Variants in CTNNA2 observed in about 807,000 individuals in gnomAD.
CTNNA2 encodes the protein catenin alpha-2.
CTNNA2 carries 42 observed loss-of-function variants against 101.0 expected under a neutral mutation model. The observed-to-expected ratio is 0.42, with a 90% CI of 0.32 to 0.54. The LOEUF is 0.54. CTNNA2 is among the 20% of genes least tolerant of loss of function. The pLI is 0.14. For missense variants in CTNNA2, 871 were observed against 1,223.1 expected, an observed-to-expected ratio of 0.71 and a Z score of 4.29; for synonymous variants, 450 against 456.4, an observed-to-expected ratio of 0.99 and a Z score of 0.18.
At chr2:80,489,302 A>G (rs942694421) in intron 9 of CTNNA2, among the ~76,000 whole-genome samples, 2 of 152,210 alleles carry the variant, frequency 1.3e-5, no homozygotes, top group African/African-American at 4.8e-5. Flanking sequence ...GCAGCATTTG[A>G]TGAAAGTCTT....
At chr2:80,058,625 T>C (rs1034310822) in intron 7 of CTNNA2, among the ~76,000 whole-genome samples, 1 of 152,194 alleles carries the variant, frequency 6.6e-6, no homozygotes, top group Non-Finnish European at 1.5e-5. Flanking sequence ...ACCACCCAGC[T>C]GCTTGGCCAG....
chr2:79,834,046 A>C (rs893897555), intron 3 of CTNNA2, among the ~76,000 whole-genome samples: 8 of 152,160 alleles, frequency 5.3e-5, no homozygotes, highest in African/African-American at 1.9e-4. Context: ...CTTGAAACAC[A>C]CAATTGCACT....
At chr2:79,731,249 T>C (rs1018215091) in intron 2 of CTNNA2, among the ~76,000 whole-genome samples, 1 of 152,092 alleles carries the variant, frequency 6.6e-6, no homozygotes, top group African/African-American at 2.4e-5. Flanking sequence ...GATAAAGTAC[T>C]TGAATCTCCT....
chr2:79,906,706 T>C (rs1685452648), intron 6 of CTNNA2, among the ~76,000 whole-genome samples: 1 of 152,192 alleles, frequency 6.6e-6, no homozygotes, highest in South Asian at 2.1e-4. Flanking sequence ...CCAAAGTCTC[T>C]CTTGTCACAT....
chr2:80,131,560 T>G (rs1702415300), intron 7 of CTNNA2, among the ~76,000 whole-genome samples: 1 of 152,198 alleles, frequency 6.6e-6, no homozygotes, highest in African/African-American at 2.4e-5. Flanking sequence ...GAACCTAGAA[T>G]GAGGATAGAA....
chr2:80,353,579 G>A (rs1016846588), intron 7 of CTNNA2, among the ~76,000 whole-genome samples: 1 of 152,094 alleles, frequency 6.6e-6, no homozygotes, highest in African/African-American at 2.4e-5. Flanking sequence ...ATGCCACTGT[G>A]AGAACAATTC....
At chr2:79,764,864 C>A (rs1457709204) in intron 3 of CTNNA2, among the ~76,000 whole-genome samples, 2 of 152,100 alleles carry the variant, frequency 1.3e-5, no homozygotes, top group Admixed American at 6.6e-5. Flanking sequence ...GGTAAAGAGA[C>A]AACAGAAGGG....
intron 4 of CTNNA2, among the ~76,000 whole-genome samples, chr2:79,418,209 T>C (rs1573157003): frequency 6.6e-6 from 1 of 152,092 alleles, no homozygotes; most frequent in East Asian, 1.9e-4. Flanking sequence ...ACAATGGTGA[T>C]GTTATCTGCA....
intron 3 of CTNNA2, among the ~76,000 whole-genome samples, chr2:79,787,724 T>C (rs1262055541): frequency 6.6e-6 from 1 of 152,014 alleles, no homozygotes; most frequent in Non-Finnish European, 1.5e-5. Context: ...TGGCCCCTTT[T>C]TTGCAATAGC....
At chr2:79,222,039 G>A (rs1674351707) in intron 2 of CTNNA2, among the ~76,000 whole-genome samples, 1 of 152,150 alleles carries the variant, frequency 6.6e-6, no homozygotes, top group Non-Finnish European at 1.5e-5. Flanking sequence ...GGATCTCTGG[G>A]AAGAGATGGA....
chr2:80,088,981 G>A lies in CTNNA2; in HGVS notation c.1056+179184G>A, dbSNP rs145051033. The stretch of plus-strand genomic sequence containing the variant: ...CAGCAAATTGGAGAGTGTGATCAGT[G>A]GAGGGGAAAATAAACCCATTTCACT... On this transcript the variant is annotated intron_variant, in intron 7 of 18. Transcript: ENST00000402739. Among the ~76,000 whole-genome samples the A allele has an allele frequency of 1.5e-3, 230 of 152,012 alleles. No homozygotes were observed. In the Middle Eastern group the frequency reaches 0.024, roughly 16 times the overall value.
At chr2:80,301,616 C>T (rs886990883) in intron 7 of CTNNA2, among the ~76,000 whole-genome samples, 1 of 152,208 alleles carries the variant, frequency 6.6e-6, no homozygotes, top group East Asian at 1.9e-4. Context: ...TTAGATTGCA[C>T]TGTCCCTGCC....
At position 80,643,417 on chromosome 2, in the gene CTNNA2, G is replaced by A. The variant is rs138345243; in HGVS notation, c.2575-4168G>A. On this transcript the variant is annotated intron_variant, in intron 18 of 18. Transcript: ENST00000402739. The stretch of plus-strand genomic sequence containing the variant: ...ATAGAATGAAATAAACGAAACTCAG[G>A]GAACTAGTTCAGAAAACAGCACATG... 3.3e-3 allele frequency among the ~76,000 whole-genome samples: 508 copies of A among 152,240 alleles called. 3 individuals carry two copies. Among genetic ancestry groups the A allele is most frequent in the African/African-American group, 0.012 (480 of 41,528 alleles).
chr2:79,333,762 A>T (rs1386753700), intron 3 of CTNNA2, among the ~76,000 whole-genome samples: 1 of 152,168 alleles, frequency 6.6e-6, no homozygotes, highest in Non-Finnish European at 1.5e-5. Flanking sequence ...TAATTGTTTA[A>T]AGTGTAACAT....
chr2:79,399,732 A>G (rs1678270036), intron 4 of CTNNA2, among the ~76,000 whole-genome samples: 1 of 152,046 alleles, frequency 6.6e-6, no homozygotes, highest in South Asian at 2.1e-4. Context: ...AAATAGGCCT[A>G]TACATATGAG....
chr2:80,281,921 GA>G (rs1674413671), intron 7 of CTNNA2, among the ~76,000 whole-genome samples: 1 of 151,488 alleles, frequency 6.6e-6, no homozygotes, highest in Admixed American at 6.6e-5. Flanking sequence ...GCTAAAGTTG[GA>G]AGATAATAGG....
At chr2:79,298,417 A>G (rs1372892966) in intron 2 of CTNNA2, among the ~76,000 whole-genome samples, 1 of 152,138 alleles carries the variant, frequency 6.6e-6, no homozygotes, top group African/African-American at 2.4e-5. Context: ...ATCAAATTTC[A>G]ACATGAGATT....
At chr2:80,095,064 G>A (rs1700057972) in intron 7 of CTNNA2, among the ~76,000 whole-genome samples, 1 of 152,178 alleles carries the variant, frequency 6.6e-6, no homozygotes, top group Non-Finnish European at 1.5e-5. Flanking sequence ...GTGAGAGAGG[G>A]CTTCCCTGTC....
At chr2:79,247,791 G>T (rs1405270526) in intron 2 of CTNNA2, among the ~76,000 whole-genome samples, 1 of 152,158 alleles carries the variant, frequency 6.6e-6, no homozygotes, top group African/African-American at 2.4e-5. Context: ...GAAGCAGAAA[G>T]TGATCTGAAG....
Sources: gnomAD v4.1 joint callset for allele counts (sites outside exome capture counted in the v4.1 genomes callset) on GRCh38, gnomAD v4.1.1 for gene constraint, MANE v1.5 for transcripts, NCBI Gene and HGNC (gene_info 2026-07-23, HGNC 2026-07-21) for gene names.